Variants in PIP4K2A observed in about 807,000 individuals in gnomAD.
PIP4K2A encodes phosphatidylinositol 5-phosphate 4-kinase type-2 alpha.
PIP4K2A carries 14 observed loss-of-function variants against 42.9 expected under a neutral mutation model. The observed-to-expected ratio is 0.33, with a 90% confidence interval of 0.22 to 0.51. The LOEUF is 0.51. Among genes scored for constraint, PIP4K2A ranks in the 20% least tolerant of loss-of-function variants. PIP4K2A has a pLI of 0.97. For missense variants in PIP4K2A, 434 were observed against 519.8 expected (o/e 0.83, Z 1.61); for synonymous variants, 192 against 192.2 (o/e 1.00, Z 0.01).
In PIP4K2A at chr10:22,598,242, T is replaced by C. The variant is rs111864884; in HGVS notation, c.340-6461A>G. ...ATGTGGTGGTGCGTGCCTGTAGTTCTAGCTATAAGGAAGGCTGAGGTTGGA... is the reference window on the plus strand; with the variant it reads ...ATGTGGTGGTGCGTGCCTGTAGTTCCAGCTATAAGGAAGGCTGAGGTTGGA... On this transcript the variant is annotated intron_variant, in intron 3 of 9. Transcript: ENST00000376573. 5.3e-5 allele frequency among the ~76,000 whole-genome samples: 8 copies of C among 152,200 alleles called. 1 individual carries two copies. Among genetic ancestry groups the C allele is most frequent in the African/African-American group, 1.9e-4 (8 of 41,540 alleles).
chr10:22,632,213 A>G (rs1838565276), intron 1 of PIP4K2A, among the ~76,000 whole-genome samples: 1 of 152,200 alleles, frequency 6.6e-6, no homozygotes, highest in Admixed American at 6.5e-5. Context: ...AAGTGGAATG[A>G]GTGCGGAAAT....
intron 1 of PIP4K2A, among the ~76,000 whole-genome samples, chr10:22,701,482 T>G (rs1004766710): frequency 1.3e-5 from 2 of 152,142 alleles, no homozygotes; most frequent in Admixed American, 6.5e-5. Context: ...CAGGTTCCCA[T>G]CACCTCTGGA....
At chr10:22,625,881 A>C (rs538817474) in intron 1 of PIP4K2A, among the ~76,000 whole-genome samples, 2 of 152,236 alleles carry the variant, frequency 1.3e-5, no homozygotes, top group Admixed American at 6.5e-5. Context: ...AATAAAGTTA[A>C]ATAACTCAGG....
chr10:22,636,056 T>C (rs962474580), intron 1 of PIP4K2A, among the ~76,000 whole-genome samples: 1 of 152,064 alleles, frequency 6.6e-6, no homozygotes, highest in East Asian at 1.9e-4. Context: ...AGCGTAGCTA[T>C]AGGAATTGAT....
At chr10:22,627,984 C>T (rs1389368763) in intron 1 of PIP4K2A, among the ~76,000 whole-genome samples, 1 of 152,170 alleles carries the variant, frequency 6.6e-6, no homozygotes, top group African/African-American at 2.4e-5. Flanking sequence ...TTGGTACATC[C>T]CAGGAACCAA....
chr10:22,668,658 A>G (rs912593026), intron 1 of PIP4K2A, among the ~76,000 whole-genome samples: 1 of 152,220 alleles, frequency 6.6e-6, no homozygotes, highest in East Asian at 1.9e-4. Context: ...AGTCTGCAAA[A>G]TTCTATATGG....
chr10:22,609,569 T>C, intron 2 of PIP4K2A, 51 bp downstream of exon 2: 1 of 1,005,594 alleles, frequency 9.9e-7, no homozygotes, highest in South Asian at 1.3e-5. Flanking sequence ...TCACAAAACT[T>C]GTACTCCTAG....
intron 4 of PIP4K2A, among the ~76,000 whole-genome samples, chr10:22,580,652 A>G (rs1433162284): frequency 6.6e-6 from 1 of 152,232 alleles, no homozygotes; most frequent in Non-Finnish European, 1.5e-5. Flanking sequence ...CTCAACCACA[A>G]GACAATCTGA....
chr10:22,674,978 C>CA (rs998366321), intron 1 of PIP4K2A, among the ~76,000 whole-genome samples: 18 of 149,692 alleles, frequency 1.2e-4, no homozygotes, highest in South Asian at 2.1e-4. Context: ...CTTTAAAAAA[C>CA]AAAAAAAAGT....
intron 6 of PIP4K2A, among the ~76,000 whole-genome samples, chr10:22,555,137 T>A (rs1836504458): frequency 6.6e-6 from 1 of 152,222 alleles, no homozygotes; most frequent in Non-Finnish European, 1.5e-5. Flanking sequence ...TACGGAGTGA[T>A]GCCCGACCCC....
chr10:22,664,170 T>TATATATATACATATATATATATATATAC (rs1839293234), intron 1 of PIP4K2A, among the ~76,000 whole-genome samples: 2 of 61,818 alleles, frequency 3.2e-5, no homozygotes, highest in Non-Finnish European at 5.4e-5. Flanking sequence ...TATATATACA[T>TATATATATACATATATATATATATATAC]ATATATATAT....
chr10:22,683,978 C>T (rs1478404303), intron 1 of PIP4K2A, among the ~76,000 whole-genome samples: 2 of 152,070 alleles, frequency 1.3e-5, no homozygotes, highest in South Asian at 2.1e-4. Context: ...AGCACCACAT[C>T]GGCCAAATAC....
chr10:22,700,963 C>T (rs960344859), intron 1 of PIP4K2A, among the ~76,000 whole-genome samples: 2 of 152,096 alleles, frequency 1.3e-5, no homozygotes, highest in Non-Finnish European at 2.9e-5. Flanking sequence ...AGTATAGAAG[C>T]ACCTGAAGAA....
intron 6 of PIP4K2A, among the ~76,000 whole-genome samples, chr10:22,559,618 T>C (rs937837395): frequency 5.3e-5 from 8 of 152,220 alleles, no homozygotes; most frequent in African/African-American, 1.7e-4. Flanking sequence ...TCATGGTTTA[T>C]GGGGTTCTTA....
At chr10:22,700,302 T>C (rs750088307) in intron 1 of PIP4K2A, among the ~76,000 whole-genome samples, 2 of 152,202 alleles carry the variant, frequency 1.3e-5, no homozygotes, top group Admixed American at 6.5e-5. Flanking sequence ...TGAATCTGCA[T>C]TATAGAAGCA....
At chr10:22,627,630 A>AG (rs1838473854) in intron 1 of PIP4K2A, among the ~76,000 whole-genome samples, 3 of 118,136 alleles carry the variant, frequency 2.5e-5, no homozygotes, top group Admixed American at 8.3e-5. Context: ...AAAAAAAAAA[A>AG]AGATAAGGAA....
At position 22,551,817 on chromosome 10, in the gene PIP4K2A, C is replaced by T. The variant is rs553491814; in HGVS notation, c.679-1045G>A. On this transcript the variant is annotated intron_variant, in intron 6 of 9. Coordinates refer to ENST00000376573, the MANE Select transcript of PIP4K2A (RefSeq NM_005028.5). The stretch of plus-strand genomic sequence containing the variant: ...AAGCTGCTGTCCTTCCTGGCTCCGG[C>T]ACTGTTCCTCCTCCCTCCTTATTCA... Among the ~76,000 whole-genome samples the T allele has an allele frequency of 5.3e-5, 8 of 152,260 alleles. No individual in the cohort carries two copies. In the East Asian group the frequency reaches 1.3e-3, roughly 26 times the overall value.
At chr10:22,697,453 T>C (rs972617070) in intron 1 of PIP4K2A, among the ~76,000 whole-genome samples, 7 of 152,188 alleles carry the variant, frequency 4.6e-5, no homozygotes, top group Non-Finnish European at 1.0e-4. Flanking sequence ...TGGTGGCTCA[T>C]GTCTGAAATC....
chr10:22,642,862 A>G (rs1045081222), intron 1 of PIP4K2A, among the ~76,000 whole-genome samples: 16 of 152,168 alleles, frequency 1.1e-4, no homozygotes, highest in Admixed American at 7.8e-4. Context: ...TAATTCATGT[A>G]TTTTAGCTTC....
Sources: gnomAD v4.1 joint callset for allele counts (sites outside exome capture counted in the v4.1 genomes callset) on GRCh38, gnomAD v4.1.1 for gene constraint, MANE v1.5 for transcripts, NCBI Gene and HGNC (gene_info 2026-07-23, HGNC 2026-07-21) for gene names.